The following HEMK2 variants were observed in gnomAD, a reference collection of about 807,000 sequenced individuals.
HEMK2 encodes HemK methyltransferase 2, ETF1 glutamine and histone H4 lysine.
the HEMK2 span, among the ~76,000 whole-genome samples, chr21:28,714,577 T>C: frequency 6.6e-6 from 1 of 152,128 alleles, no homozygotes; most frequent in Admixed American, 6.5e-5. Flanking sequence ...GAAACAAACA[T>C]GGTTAATGAG....
chr21:28,580,572 A>AG, the HEMK2 span, among the ~76,000 whole-genome samples: 3 of 151,764 alleles, frequency 2.0e-5, no homozygotes, highest in Admixed American at 2.0e-4. Flanking sequence ...TGCACTTAAA[A>AG]AAAAAAAGAC....
At chr21:28,733,062 A>C in the HEMK2 span, among the ~76,000 whole-genome samples, 1 of 152,024 alleles carries the variant, frequency 6.6e-6, no homozygotes, top group Non-Finnish European at 1.5e-5. Context: ...GGTGGATCAC[A>C]AGGTCAGGAG....
the HEMK2 span, among the ~76,000 whole-genome samples, chr21:28,749,792 A>T: frequency 7.9e-5 from 12 of 152,256 alleles, no homozygotes; most frequent in Admixed American, 1.3e-4. Flanking sequence ...GTAAGAAATT[A>T]AAATGAACAT....
At chr21:28,882,344 G>T in the HEMK2 span, 2 of 906,046 alleles carry the variant, frequency 2.2e-6, no homozygotes, top group Non-Finnish European at 3.4e-6. Flanking sequence ...ATTCTACACA[G>T]AACAGATTTA....
At chr21:28,780,854 C>T in the HEMK2 span, among the ~76,000 whole-genome samples, 2 of 152,306 alleles carry the variant, frequency 1.3e-5, no homozygotes, top group East Asian at 3.9e-4. Flanking sequence ...TCCCCTGCTG[C>T]TCTGGCTCTT....
At chr21:28,661,947 G>T in the HEMK2 span, among the ~76,000 whole-genome samples, 2 of 152,190 alleles carry the variant, frequency 1.3e-5, no homozygotes, top group Non-Finnish European at 2.9e-5. Context: ...TTAGGATGTA[G>T]TCAGGAAGAA....
At chr21:28,599,149 T>A in the HEMK2 span, among the ~76,000 whole-genome samples, 2 of 152,238 alleles carry the variant, frequency 1.3e-5, no homozygotes. Context: ...TCCAGGGTAA[T>A]GCACATGCAA....
At chr21:28,686,132 G>A in the HEMK2 span, among the ~76,000 whole-genome samples, 1 of 152,204 alleles carries the variant, frequency 6.6e-6, no homozygotes, top group Non-Finnish European at 1.5e-5. Context: ...CCTGGCTAGA[G>A]TTTGGTGAAG....
chr21:28,811,868 A>G, the HEMK2 span, among the ~76,000 whole-genome samples: 1 of 152,178 alleles, frequency 6.6e-6, no homozygotes, highest in Non-Finnish European at 1.5e-5. Flanking sequence ...TGTTCCTGTG[A>G]ATATATTGCT....
the HEMK2 span, among the ~76,000 whole-genome samples, chr21:28,694,717 C>T: frequency 5.1e-3 from 778 of 152,194 alleles, 7 homozygotes; most frequent in African/African-American, 0.017. Context: ...CAGGGCCGGA[C>T]GCAGTGGCTC....
chr21:28,831,467 G>GAAAAGAAAAGA, the HEMK2 span, among the ~76,000 whole-genome samples: 456 of 23,400 alleles, frequency 0.019, 13 homozygotes, highest in Middle Eastern at 0.034. Context: ...AAGAACGAAA[G>GAAAAGAAAAGA]AAAGAAAGAA....
At chr21:28,802,320 A>G in the HEMK2 span, among the ~76,000 whole-genome samples, 111 of 152,344 alleles carry the variant, frequency 7.3e-4, no homozygotes, top group Admixed American at 2.2e-3. Flanking sequence ...AAAGGAAGAG[A>G]AATAAGTCTC....
the HEMK2 span, among the ~76,000 whole-genome samples, chr21:28,676,664 T>A: frequency 6.6e-6 from 1 of 152,174 alleles, no homozygotes; most frequent in South Asian, 2.1e-4. Flanking sequence ...TGGCCCCTCC[T>A]CTTCCTGGGT....
the HEMK2 span, among the ~76,000 whole-genome samples, chr21:28,644,996 T>C: frequency 1.2e-3 from 181 of 152,286 alleles, no homozygotes; most frequent in African/African-American, 4.1e-3. Flanking sequence ...TGGAACTGAA[T>C]GTGCATGCCC....
the HEMK2 span, among the ~76,000 whole-genome samples, chr21:28,638,785 T>C: frequency 2.0e-5 from 3 of 152,186 alleles, no homozygotes; most frequent in East Asian, 5.8e-4. Context: ...AGCTCCTTGG[T>C]TTTCCACCAC....
the HEMK2 span, among the ~76,000 whole-genome samples, chr21:28,883,856 T>G: frequency 6.6e-6 from 1 of 152,170 alleles, no homozygotes; most frequent in Non-Finnish European, 1.5e-5. Context: ...CCCAAGTAGT[T>G]AGGACTATAG....
At chr21:28,778,873 C>G in the HEMK2 span, among the ~76,000 whole-genome samples, 3 of 152,088 alleles carry the variant, frequency 2.0e-5, no homozygotes, top group Non-Finnish European at 4.4e-5. Context: ...TTCTCCCAGT[C>G]TATATATTAT....
the HEMK2 span, among the ~76,000 whole-genome samples, chr21:28,788,181 C>T: frequency 8.8e-6 from 1 of 113,322 alleles, no homozygotes; most frequent in Non-Finnish European, 1.6e-5. Flanking sequence ...ATCATATATA[C>T]ACATATATAC....
At chr21:28,795,490 A>G in the HEMK2 span, among the ~76,000 whole-genome samples, 2 of 152,234 alleles carry the variant, frequency 1.3e-5, no homozygotes, top group Admixed American at 1.3e-4. Flanking sequence ...ACGACAAGGA[A>G]CCTTGTCTCT....
Sources: gnomAD v4.1 joint callset for allele counts (sites outside exome capture counted in the v4.1 genomes callset) on GRCh38, gnomAD v4.1.1 for gene constraint, MANE v1.5 for transcripts, NCBI Gene and HGNC (gene_info 2026-07-23, HGNC 2026-07-21) for gene names.